The following LHFPL3 variants were observed in gnomAD, a reference collection of about 807,000 sequenced individuals.
LHFPL3 encodes LHFPL tetraspan subfamily member 3, also known as LHFPL tetraspan subfamily member 3 protein.
Under a neutral mutation model 19.3 loss-of-function variants are expected in LHFPL3, and 5 were observed. That is an observed-to-expected ratio of 0.26 (90% CI 0.14 to 0.54). The LOEUF is 0.54. LHFPL3 is among the 20% of genes least tolerant of loss of function. The probability of loss-of-function intolerance (pLI) is 0.94; values close to 1 mark genes in which losing one functional copy is unlikely to be tolerated. For missense variants in LHFPL3, 249 were observed against 307.4 expected (o/e 0.81, Z 1.42); for synonymous variants, 133 against 126.2 (o/e 1.05, Z -0.36).
chr7:104,702,088 C>T (rs1166069343), intron 1 of LHFPL3, among the ~76,000 whole-genome samples: 1 of 151,882 alleles, frequency 6.6e-6, no homozygotes, highest in Admixed American at 6.6e-5. Flanking sequence ...CATGTATTCT[C>T]ATTGTTCAAC....
chr7:104,737,329 T>C (rs1793846994), intron 2 of LHFPL3, among the ~76,000 whole-genome samples: 1 of 152,152 alleles, frequency 6.6e-6, no homozygotes, highest in Non-Finnish European at 1.5e-5. Context: ...TCTAACATCA[T>C]CTATATATAT....
chr7:104,440,890 A>G (rs1425870152), intron 1 of LHFPL3, among the ~76,000 whole-genome samples: 1 of 152,194 alleles, frequency 6.6e-6, no homozygotes, highest in African/African-American at 2.4e-5. Flanking sequence ...TGATATACAA[A>G]AGACCGTGCA....
intron 1 of LHFPL3, among the ~76,000 whole-genome samples, chr7:104,700,910 G>A (rs531857900): frequency 6.6e-6 from 1 of 152,184 alleles, no homozygotes; most frequent in African/African-American, 2.4e-5. Flanking sequence ...TTATCTCCAG[G>A]CCTGCTGCAT....
intron 1 of LHFPL3, among the ~76,000 whole-genome samples, chr7:104,545,497 T>C (rs1794561757): frequency 6.6e-6 from 1 of 152,130 alleles, no homozygotes; most frequent in South Asian, 2.1e-4. Context: ...AAAGAAGGGC[T>C]CTGATACCAC....
At chr7:104,584,812 G>C (rs377713227) in intron 1 of LHFPL3, among the ~76,000 whole-genome samples, 7 of 152,150 alleles carry the variant, frequency 4.6e-5, no homozygotes, top group African/African-American at 1.7e-4. Flanking sequence ...AAGAACTCAT[G>C]AGTCATAGTG....
At chr7:104,557,312 C>T (rs949600081) in intron 1 of LHFPL3, among the ~76,000 whole-genome samples, 2 of 152,172 alleles carry the variant, frequency 1.3e-5, no homozygotes. Context: ...TACAGTTCCA[C>T]ATAGCTGGGG....
chr7:104,813,657 G>C (rs1379730988), intron 2 of LHFPL3, among the ~76,000 whole-genome samples: 1 of 152,222 alleles, frequency 6.6e-6, no homozygotes, highest in Non-Finnish European at 1.5e-5. Flanking sequence ...TGCTGCAGCA[G>C]GGAGGGCAAC....
intron 1 of LHFPL3, among the ~76,000 whole-genome samples, chr7:104,551,294 A>G (rs114853924): frequency 0.014 from 2,086 of 152,206 alleles, 43 homozygotes; most frequent in African/African-American, 0.047. Context: ...TTCTTAGGAA[A>G]TTTTTCTGTT....
chr7:104,646,668 G>A (rs1365150930), intron 1 of LHFPL3, among the ~76,000 whole-genome samples: 2 of 152,110 alleles, frequency 1.3e-5, no homozygotes, highest in African/African-American at 2.4e-5. Context: ...CTAATCAAAC[G>A]TAAACATAAT....
At chr7:104,893,462 C>T (rs1047626936) in intron 2 of LHFPL3, among the ~76,000 whole-genome samples, 2 of 151,578 alleles carry the variant, frequency 1.3e-5, no homozygotes, top group African/African-American at 4.8e-5. Context: ...GTGGAGGTTG[C>T]AGTGAGCCAA....
intron 1 of LHFPL3, among the ~76,000 whole-genome samples, chr7:104,644,810 C>A (rs982164437): frequency 1.3e-5 from 2 of 152,090 alleles, no homozygotes; most frequent in Non-Finnish European, 2.9e-5. Flanking sequence ...CCCTGCTGAA[C>A]GTAAGTATCA....
intron 1 of LHFPL3, among the ~76,000 whole-genome samples, chr7:104,712,044 G>C (rs1793308434): frequency 6.6e-6 from 1 of 152,206 alleles, no homozygotes; most frequent in African/African-American, 2.4e-5. Flanking sequence ...GGGAATTAAG[G>C]TTGCTGTTGC....
intron 1 of LHFPL3, among the ~76,000 whole-genome samples, chr7:104,459,111 T>A (rs1265201110): frequency 6.6e-6 from 1 of 152,240 alleles, no homozygotes; most frequent in Non-Finnish European, 1.5e-5. Context: ...GGTATTGATT[T>A]CCTGCAGTTA....
intron 1 of LHFPL3, among the ~76,000 whole-genome samples, chr7:104,642,513 C>G (rs1220837135): frequency 6.6e-6 from 1 of 152,128 alleles, no homozygotes; most frequent in African/African-American, 2.4e-5. Context: ...ATGTTTCCAA[C>G]TGAAAATTTT....
At chr7:104,624,042 GAAGAAACTTATT>G (rs1235763644) in intron 1 of LHFPL3, among the ~76,000 whole-genome samples, 1 of 152,230 alleles carries the variant, frequency 6.6e-6, no homozygotes, top group African/African-American at 2.4e-5. Context: ...TACACTTACT[GAAGAAACTTATT>G]AAGAAGAAGA....
chr7:104,778,183 A>AC (rs1275942694), intron 2 of LHFPL3, among the ~76,000 whole-genome samples: 2 of 152,154 alleles, frequency 1.3e-5, no homozygotes, highest in East Asian at 3.8e-4. Context: ...GCTTTTAGAA[A>AC]CCAGAAGATT....
intron 2 of LHFPL3, among the ~76,000 whole-genome samples, chr7:104,755,573 CCAA>C (rs939944311): frequency 5.8e-5 from 8 of 138,810 alleles, no homozygotes; most frequent in Admixed American, 3.9e-4. Flanking sequence ...CCCCCAACCC[CCAA>C]CACCACCACA....
At chr7:104,747,812 CATA>C (rs1212771414) in intron 2 of LHFPL3, among the ~76,000 whole-genome samples, 1 of 152,112 alleles carries the variant, frequency 6.6e-6, no homozygotes, top group African/African-American at 2.4e-5. Flanking sequence ...CTTCTAAGAG[CATA>C]ATATTTACTT....
intron 1 of LHFPL3, among the ~76,000 whole-genome samples, chr7:104,457,269 A>T (rs1370665198): frequency 1.3e-5 from 1 of 75,822 alleles, no homozygotes; most frequent in Non-Finnish European, 2.7e-5. Context: ...TCCCTCCCCC[A>T]TCCCCCCACC....
Sources: gnomAD v4.1 joint callset for allele counts (sites outside exome capture counted in the v4.1 genomes callset) on GRCh38, gnomAD v4.1.1 for gene constraint, MANE v1.5 for transcripts, NCBI Gene and HGNC (gene_info 2026-07-23, HGNC 2026-07-21) for gene names.